Variants in STK32C observed in about 807,000 individuals in gnomAD.
The protein encoded by STK32C is serine/threonine-protein kinase 32C.
STK32C carries 31 observed loss-of-function variants against 56.5 expected under a neutral mutation model. The ratio of observed to expected loss-of-function variants is 0.55; its 90% CI spans 0.41 to 0.74. The LOEUF (loss-of-function observed/expected upper bound fraction) is 0.74, where lower values mean the gene tolerates loss of function less well. Among genes scored for constraint, STK32C ranks in the 30% least tolerant of loss-of-function variants. The pLI, the probability that STK32C is intolerant of heterozygous loss-of-function variation, is 0.00. For missense variants in STK32C, 544 were observed against 676.9 expected (o/e 0.80, Z 2.18); for synonymous variants, 309 against 289.4 (o/e 1.07, Z -0.69).
At chr10:132,246,264 C>T (rs1043522869) in intron 1 of STK32C, among the ~76,000 whole-genome samples, 1 of 152,248 alleles carries the variant, frequency 6.6e-6, no homozygotes, top group African/African-American at 2.4e-5. Flanking sequence ...CCAGACTCGA[C>T]TGGGCTGTCT....
intron 1 of STK32C, among the ~76,000 whole-genome samples, chr10:132,259,727 T>C (rs904376117): frequency 1.3e-5 from 2 of 152,290 alleles, no homozygotes; most frequent in East Asian, 3.9e-4. Context: ...TATAAATTAT[T>C]ACCCAGTCTC....
intron 10 of STK32C, among the ~76,000 whole-genome samples, chr10:132,214,636 C>T (rs1361846633): frequency 6.6e-6 from 1 of 152,078 alleles, no homozygotes; most frequent in Admixed American, 6.5e-5. Context: ...CTTAATTGAT[C>T]CAAAAGATAA....
intron 8 of STK32C, among the ~76,000 whole-genome samples, chr10:132,223,918 C>G (rs1403427636): frequency 1.3e-5 from 2 of 152,182 alleles, no homozygotes; most frequent in Non-Finnish European, 2.9e-5. Flanking sequence ...ATGGCCACAC[C>G]CCTGCCCGTG....
At chr10:132,332,116 A>C, upstream of STK32C, 6 of 187,904 alleles carry the variant, frequency 3.2e-5, no homozygotes, top group East Asian at 1.4e-4. Flanking sequence ...CATCACAGAC[A>C]CACTCGCGCT....
chr10:132,294,305 A>AGGTC (rs2065669363), intron 1 of STK32C, among the ~76,000 whole-genome samples: 2 of 152,130 alleles, frequency 1.3e-5, no homozygotes, highest in Admixed American at 6.5e-5. Flanking sequence ...ACCCTGCCAT[A>AGGTC]GGTCGAGGCC....
chr10:132,249,611 C>T (rs1168027228), intron 1 of STK32C, among the ~76,000 whole-genome samples: 4 of 152,196 alleles, frequency 2.6e-5, no homozygotes, highest in African/African-American at 4.8e-5. Flanking sequence ...GGGGGCTGAC[C>T]GGCATCGTGG....
At chr10:132,223,316 C>G (rs914332309) in intron 8 of STK32C, among the ~76,000 whole-genome samples, 1 of 152,208 alleles carries the variant, frequency 6.6e-6, no homozygotes, top group Non-Finnish European at 1.5e-5. Flanking sequence ...GCGGCTAACA[C>G]TCGGCACATG....
chr10:132,224,557 C>A lies in STK32C; in HGVS notation c.877-34G>T. The A allele has an allele frequency of 3.3e-6, 5 of 1,525,992 alleles. No individual in the cohort carries two copies. The South Asian group carries it at 5.9e-5, about 18-fold the overall frequency. The allele number at this position is 1,525,992 out of a possible 1,614,324, so 94.5% of individuals were successfully genotyped here. On this transcript the variant is annotated intron_variant, in intron 7 of 11. Transcript: ENST00000298630. ...AGGGAGGCAGTGCTGGGCAGGTCCTCCTGGCCCCCAGGACACCCAGAACAA... is the reference window on the plus strand; with the variant it reads ...AGGGAGGCAGTGCTGGGCAGGTCCTACTGGCCCCCAGGACACCCAGAACAA...
At position 132,225,304 on chromosome 10, in the gene STK32C, C is replaced by T. The variant is rs773677227; in HGVS notation, c.805G>A (p.Gly269Arg). The T allele has an allele frequency of 5.6e-6, 9 of 1,612,018 alleles. No homozygotes were observed. The highest frequency in any genetic ancestry group is 1.1e-5 in the South Asian group (1 of 90,900). ...TCCACCTCGAAGGAGTAGCCGGTCC[C>T]GCCGTTGACAAAAGAGTGGAAGATC... Reference protein sequence around the residue: ...PEIFHSFVNGGTGYSFEVDWW... With the variant: ...PEIFHSFVNGRTGYSFEVDWW... The change falls in exon 7 of 12, where the codon GGG (glycine) becomes AGG (arginine). Residue 269 changes from glycine (G) to arginine (R), a missense_variant. Physicochemically the swap from Gly to Arg is moderately radical, Grantham distance 125. Transcript: ENST00000298630.
intron 2 of STK32C, among the ~76,000 whole-genome samples, chr10:132,245,429 G>C (rs2063653811): frequency 1.3e-5 from 2 of 152,242 alleles, no homozygotes; most frequent in South Asian, 2.1e-4. Context: ...AACAAAAGGA[G>C]AGTAAAGGAA....
At chr10:132,281,174 C>T (rs547855313) in intron 1 of STK32C, among the ~76,000 whole-genome samples, 1,172 of 108,942 alleles carry the variant, frequency 0.011, 18 homozygotes, top group African/African-American at 0.033. Flanking sequence ...ACGTGATCCT[C>T]GTGGACACAC....
intron 8 of STK32C, among the ~76,000 whole-genome samples, chr10:132,223,987 T>A (rs2062779151): frequency 6.6e-6 from 1 of 152,156 alleles, no homozygotes; most frequent in South Asian, 2.1e-4. Context: ...CTGCCCACCT[T>A]CCCCAGGAGG....
At position 132,222,491 on chromosome 10, in the gene STK32C, G is replaced by A; in HGVS notation, c.1251+150C>T. 5.0e-6 allele frequency: 5 copies of A among 1,007,282 alleles called. No individual in the cohort carries two copies. The South Asian group carries it at 8.4e-5, about 17-fold the overall frequency. 62.4% of individuals were successfully genotyped at this position (1,007,282 alleles called of 1,614,324 possible). On this transcript the variant is annotated intron_variant, in intron 10 of 11. Coordinates refer to ENST00000298630, the MANE Select transcript of STK32C (RefSeq NM_173575.4). ...TGGGGGCTGGGAAAGGCAGAAGGGAGGTCTCTGGCCTTCTCAGGACTTCAG... is the reference window on the plus strand; with the variant it reads ...TGGGGGCTGGGAAAGGCAGAAGGGAAGTCTCTGGCCTTCTCAGGACTTCAG...
chr10:132,279,584 C>T (rs2065091655), intron 1 of STK32C, among the ~76,000 whole-genome samples: 1 of 151,904 alleles, frequency 6.6e-6, no homozygotes, highest in Admixed American at 6.6e-5. Flanking sequence ...ATGATCATGC[C>T]CACCCGCACT....
chr10:132,265,511 G>A (rs1239594833), intron 1 of STK32C, among the ~76,000 whole-genome samples: 2 of 152,166 alleles, frequency 1.3e-5, no homozygotes, highest in African/African-American at 4.8e-5. Context: ...GCCTGGGTGT[G>A]AGGAGAGGAC....
Position 132,281,178 on chromosome 10 carries a change from GACACACACACACACACACAC to G in STK32C, c.262+26374_262+26393del, listed in dbSNP as rs10556901. ...TAAACACACACACGTGATCCTCGTG[GACACACACACACACACACAC>G]ACACACACACACACAGGTGCATAGA... On this transcript the variant is annotated intron_variant, in intron 1 of 11. Coordinates refer to ENST00000298630, the MANE Select transcript of STK32C (RefSeq NM_173575.4). Among the ~76,000 whole-genome samples, 6 of 149,330 alleles carry G rather than the reference GACACACACACACACACACAC, an allele frequency of 4.0e-5. No individual in the cohort carries two copies. The South Asian group carries it at 6.4e-4, about 16-fold the overall frequency.
chr10:132,226,752 C>G (rs199831879), intron 4 of STK32C, 43 bp downstream of exon 4: 2 of 1,595,630 alleles, frequency 1.3e-6, no homozygotes, highest in Admixed American at 3.3e-5. Flanking sequence ...GCTTCAGCCC[C>G]GCCCACCTCA....
chr10:132,320,028 A>G (rs994146945), downstream of STK32C, among the ~76,000 whole-genome samples: 6 of 146,738 alleles, frequency 4.1e-5, no homozygotes, highest in African/African-American at 1.2e-4. Flanking sequence ...CTGTTTCCAG[A>G]AAAAAAAAAA....
intron 8 of STK32C, 130 bp downstream of exon 8, chr10:132,224,277 C>A: frequency 1.4e-6 from 1 of 696,340 alleles, no homozygotes; most frequent in South Asian, 1.7e-5. Flanking sequence ...CCACAGGTTG[C>A]AGTGAAGGGA....
Sources: gnomAD v4.1 joint callset for allele counts (sites outside exome capture counted in the v4.1 genomes callset) on GRCh38, gnomAD v4.1.1 for gene constraint, MANE v1.5 for transcripts, NCBI Gene and HGNC (gene_info 2026-07-23, HGNC 2026-07-21) for gene names.